Variants in CCT8 observed in about 807,000 individuals in gnomAD.
CCT8 encodes chaperonin containing TCP1 subunit 8.
CCT8 carries 10 observed loss-of-function variants against 65.7 expected under a neutral mutation model. The ratio of observed to expected loss-of-function variants is 0.15; its 90% CI spans 0.09 to 0.26. The LOEUF (loss-of-function observed/expected upper bound fraction) is 0.26, where lower values mean the gene tolerates loss of function less well. Ranked by LOEUF, CCT8 falls within the 10% of genes least tolerant of loss-of-function variation. The pLI, the probability that CCT8 is intolerant of heterozygous loss-of-function variation, is 1.00. For missense variants in CCT8, 568 were observed against 669.1 expected (o/e 0.85, Z 1.67); for synonymous variants, 199 against 221.8 (o/e 0.90, Z 0.92).
rs763994165 is a variant in CCT8, at chr21:29,066,728, A to G, written c.612T>C (p.Val204=). The change falls in exon 6 of 15, where the codon GTT becomes GTC. Residue 204 remains valine, a synonymous_variant. Transcript: ENST00000286788. ...ATTTTCTACTTACCAGAATTTTACA[A>G]ACTCTGATGTTATCAACATTGAAAT... The part of the protein sequence containing the change: ...SGHFNVDNIR[V]CKILGSGISS... 1.9e-6 allele frequency: 3 copies of G among 1,603,486 alleles called. No homozygotes were observed. Among genetic ancestry groups the G allele is most frequent in the Admixed American group, 3.4e-5 (2 of 58,504 alleles).
At chr21:29,072,952 T>G (rs2085698873) in intron 1 of CCT8, among the ~76,000 whole-genome samples, 1 of 152,220 alleles carries the variant, frequency 6.6e-6, no homozygotes, top group African/African-American at 2.4e-5. Flanking sequence ...AGTTACATTT[T>G]AGATTAAGCC....
At position 29,062,203 on chromosome 21, in the gene CCT8, G is replaced by A. The variant is rs1468233264; in HGVS notation, c.1137C>T (p.Gly379=). 1 of 1,613,814 alleles carries A rather than the reference G, an allele frequency of 6.2e-7. No individual in the cohort carries two copies. The highest frequency in any genetic ancestry group is 8.5e-7 in the Non-Finnish European group (1 of 1,179,862). The change falls in exon 11 of 15, where the codon GGC becomes GGT. Residue 379 remains glycine, a synonymous_variant. Coordinates refer to ENST00000286788, the MANE Select transcript of CCT8 (RefSeq NM_006585.4). ...TGTCATCCATCAGATTGTCTGTAGA[G>A]CCTCGAAGTACTATGGTAGAAATGG... ...DGAISTIVLR[G]STDNLMDDIE...
At chr21:29,069,943 A>T (rs985995414) in intron 2 of CCT8, among the ~76,000 whole-genome samples, 1 of 152,204 alleles carries the variant, frequency 6.6e-6, no homozygotes, top group Non-Finnish European at 1.5e-5. Context: ...TTCTTCCTTA[A>T]ACTATGTCAC....
At chr21:29,069,394 TTTC>T (rs776114133) in intron 3 of CCT8, 26 bp downstream of exon 3, 1 of 1,363,624 alleles carries the variant, frequency 7.3e-7, no homozygotes, top group Non-Finnish European at 1.0e-6. Flanking sequence ...CACCAAAATA[TTTC>T]TTGACTTTTT....
intron 2 of CCT8, 29 bp downstream of exon 2, chr21:29,070,218 A>G (rs1483790533): frequency 7.3e-7 from 1 of 1,372,074 alleles, no homozygotes; most frequent in African/African-American, 1.4e-5. Flanking sequence ...CTACTACTGT[A>G]TCTTTACAAA....
intron 2 of CCT8, 98 bp downstream of exon 2, chr21:29,070,149 C>T (rs543439043): frequency 5.3e-5 from 33 of 623,136 alleles, no homozygotes; most frequent in Middle Eastern, 4.3e-4. Flanking sequence ...AATTAACTTC[C>T]GAAGTCATAC....
chr21:29,066,865 C>A, intron 5 of CCT8, 26 bp downstream of exon 5: 1 of 1,587,802 alleles, frequency 6.3e-7, no homozygotes, highest in South Asian at 1.1e-5. Context: ...TATTTTGGAT[C>A]TTTTCATTTA....
intron 1 of CCT8, among the ~76,000 whole-genome samples, chr21:29,072,581 C>A (rs960752977): frequency 1.3e-5 from 2 of 152,154 alleles, no homozygotes; most frequent in Non-Finnish European, 2.9e-5. Flanking sequence ...ACTTACTATA[C>A]CGACATTATT....
intron 7 of CCT8, among the ~76,000 whole-genome samples, chr21:29,064,303 TA>T (rs1423014704): frequency 6.9e-6 from 1 of 144,580 alleles, no homozygotes; most frequent in East Asian, 2.0e-4. Flanking sequence ...TTGTCTCTAT[TA>T]AAAATACAAA....
intron 6 of CCT8, among the ~76,000 whole-genome samples, chr21:29,066,108 A>G (rs1326771298): frequency 1.3e-5 from 2 of 150,676 alleles, no homozygotes; most frequent in African/African-American, 2.4e-5. Context: ...AAAATTTAGT[A>G]TTTTGTTTAT....
chr21:29,062,296 A>G, intron 10 of CCT8, 32 bp downstream of exon 10: 2 of 1,605,272 alleles, frequency 1.2e-6, no homozygotes, highest in Non-Finnish European at 1.7e-6. Context: ...CTAAAGCCCT[A>G]CACTTAAACA....
chr21:29,065,808 C>T (rs8132477), intron 6 of CCT8, among the ~76,000 whole-genome samples: 2,168 of 152,264 alleles, frequency 0.014, 71 homozygotes, highest in African/African-American at 0.05. Context: ...TTGCGCTGGG[C>T]GCGGTGGCTC....
chr21:29,062,460 C>G (rs749361467), intron 9 of CCT8, 30 bp downstream of exon 9: 1 of 1,612,508 alleles, frequency 6.2e-7, no homozygotes, highest in Non-Finnish European at 8.5e-7. Flanking sequence ...TCTTGTTCAA[C>G]TATCTTTTAG....
chr21:29,073,450 TTAG>T, intron 1 of CCT8, 78 bp downstream of exon 1: 1 of 1,607,002 alleles, frequency 6.2e-7, no homozygotes. Context: ...GCTCAGCCCG[TTAG>T]TAGGCCCTCC....
chr21:29,062,817 A>T (rs1166614554), intron 8 of CCT8: 1 of 491,222 alleles, frequency 2.0e-6, no homozygotes, highest in East Asian at 3.4e-5. Flanking sequence ...GGAGAATGGA[A>T]GTCACTTTAG....
chr21:29,062,180 T>G lies in CCT8; in HGVS notation c.1160A>C (p.Asp387Ala), dbSNP rs2085571345. Reference protein sequence around the residue: ...LRGSTDNLMDDIERAVDDGVN... With the variant: ...LRGSTDNLMDAIERAVDDGVN... ...ACCATCGTCTACTGCCCTTTCTATG[T>G]CATCCATCAGATTGTCTGTAGAGCC... Residue 387 changes from aspartate to alanine, a missense_variant, in exon 11 of 15, where the codon GAC (aspartate) becomes GCC (alanine). By Grantham distance (126) the Asp-to-Ala change is moderately radical (BLOSUM62 -2). Coordinates refer to ENST00000286788, the MANE Select transcript of CCT8 (RefSeq NM_006585.4). 1 of 1,613,540 alleles carries G rather than the reference T, an allele frequency of 6.2e-7. No individual in the cohort carries two copies.
intron 2 of CCT8, 30 bp from the exon 3 acceptor site, chr21:29,069,532 G>C (rs369273153): frequency 4.4e-6 from 6 of 1,351,242 alleles, no homozygotes; most frequent in Non-Finnish European, 6.1e-6. Flanking sequence ...AAAAGAAAAA[G>C]AAAGCCATTA....
intron 1 of CCT8, among the ~76,000 whole-genome samples, chr21:29,072,551 T>G (rs1568917122): frequency 6.6e-6 from 1 of 152,200 alleles, no homozygotes. Context: ...CACCAACATT[T>G]ACCTTGAACC....
At position 29,066,979 on chromosome 21, in the gene CCT8, A is replaced by G. The variant is rs189051142; in HGVS notation, c.474T>C (p.Asp158=). 2.5e-6 allele frequency: 4 copies of G among 1,613,520 alleles called. No homozygotes were observed. In the South Asian group the frequency reaches 3.3e-5, roughly 13 times the overall value. Residue 158 remains aspartate (D), a synonymous_variant, in exon 5 of 15, where the codon GAT becomes GAC. Coordinates refer to ENST00000286788, the MANE Select transcript of CCT8 (RefSeq NM_006585.4). ...AGGTACGAAGTAGAGATGAGACTTC[A>G]TCAATATCTCGAAGGTTTTTTGCAG... is the stretch of plus-strand genomic sequence containing the variant. ...CCSAKNLRDI[D]EVSSLLRTSI...
Sources: gnomAD v4.1 joint callset for allele counts (sites outside exome capture counted in the v4.1 genomes callset) on GRCh38, gnomAD v4.1.1 for gene constraint, MANE v1.5 for transcripts, NCBI Gene and HGNC (gene_info 2026-07-23, HGNC 2026-07-21) for gene names.